The following AK7 variants were observed in gnomAD, a reference collection of about 807,000 sequenced individuals.
AK7 encodes ATP-AMP transphosphorylase 7.
A neutral mutation model predicts 96.6 loss-of-function variants in AK7; 78 were observed. The observed-to-expected ratio is 0.81, with a 90% confidence interval of 0.67 to 0.97. The LOEUF (loss-of-function observed/expected upper bound fraction) is 0.97, where lower values mean the gene tolerates loss of function less well. Ranked by LOEUF, AK7 falls within the 50% of genes least tolerant of loss-of-function variation. The pLI is 0.00. For missense variants in AK7, 855 were observed against 887.9 expected (o/e 0.96, Z 0.47); for synonymous variants, 302 against 317.2 (o/e 0.95, Z 0.51).
At position 96,478,478 on chromosome 14, in the gene AK7, ACTGGATG is replaced by A; in HGVS notation, c.1572_1578del (p.Asp525ArgfsTer5). On this transcript the variant is annotated frameshift_variant, in exon 15 of 18. Coordinates refer to ENST00000267584, the MANE Select transcript of AK7 (RefSeq NM_152327.5). LOFTEE classifies it high-confidence loss of function. ...CCTTCTCCCCAGAATTCGTTTGTGC[ACTGGATG>A]CTTCGGATGAGTTTCTGAAGGAGCG... is the stretch of plus-strand genomic sequence containing the variant. The A allele has an allele frequency of 6.2e-7, 1 of 1,614,140 alleles. No individual in the cohort carries two copies. Among genetic ancestry groups the A allele is most frequent in the Non-Finnish European group, 8.5e-7 (1 of 1,180,032 alleles).
chr14:96,425,786 A>G (rs1212553660), intron 5 of AK7, among the ~76,000 whole-genome samples: 1 of 152,118 alleles, frequency 6.6e-6, no homozygotes, highest in African/African-American at 2.4e-5. Context: ...GCCCAGCCGT[A>G]GTTTGTCTTG....
In AK7 at chr14:96,396,340, A is replaced by G. The variant is rs1057368318; in HGVS notation, c.106-1735A>G. ...ATATGGGAGTGGGAATATGAGGAAT[A>G]TAAGAGAAATGGAAGCTGTGTCTCG... On this transcript the variant is annotated intron_variant, in intron 1 of 17. Coordinates refer to ENST00000267584, the MANE Select transcript of AK7 (RefSeq NM_152327.5). 2.0e-5 allele frequency among the ~76,000 whole-genome samples: 3 copies of G among 152,238 alleles called. No homozygotes were observed. In the South Asian group the frequency reaches 6.2e-4, roughly 31 times the overall value.
At position 96,404,867 on chromosome 14, in the gene AK7, T is replaced by G; in HGVS notation, c.403+2T>G. 1 of 1,599,242 alleles carries G rather than the reference T, an allele frequency of 6.3e-7. No individual in the cohort carries two copies. The highest frequency in any genetic ancestry group is 8.6e-7 in the Non-Finnish European group (1 of 1,167,974). The stretch of plus-strand genomic sequence containing the variant: ...AGGAAGCCATCTGGGCAGTCTCTGG[T>G]CAGTGAGGTGTACTCTTTTATCTCC... On this transcript the variant is annotated splice_donor_variant, in intron 3 of 17. Transcript: ENST00000267584. LOFTEE classifies it high-confidence loss of function.
chr14:96,470,240 G>C (rs1894810210), intron 12 of AK7, among the ~76,000 whole-genome samples: 1 of 151,712 alleles, frequency 6.6e-6, no homozygotes, highest in African/African-American at 2.4e-5. Flanking sequence ...AAGAGGGGGA[G>C]GATGAGAAGG....
intron 12 of AK7, among the ~76,000 whole-genome samples, chr14:96,464,090 T>C (rs145209804): frequency 4.3e-3 from 658 of 152,108 alleles, no homozygotes; most frequent in Non-Finnish European, 5.5e-3. Context: ...GATAGTTTAT[T>C]AGAGACTACT....
chr14:96,398,338 T>C (rs776654558), intron 2 of AK7, 75 bp downstream of exon 2: 7 of 1,510,906 alleles, frequency 4.6e-6, no homozygotes, highest in Non-Finnish European at 5.5e-6. Flanking sequence ...TGACAACTTG[T>C]TTTACTGTTT....
chr14:96,473,464 C>CTT (rs71462738), intron 14 of AK7, among the ~76,000 whole-genome samples: 7 of 139,870 alleles, frequency 5.0e-5, no homozygotes, highest in Non-Finnish European at 4.7e-5. Flanking sequence ...TGCCCAGGCT[C>CTT]TTTTTTTTTT....
intron 7 of AK7, among the ~76,000 whole-genome samples, chr14:96,445,590 T>G (rs8010544): frequency 0.86 from 131,301 of 152,128 alleles, 56,968 homozygotes; most frequent in East Asian, 0.96. Flanking sequence ...ACCCTGGGAG[T>G]TTGAGGCTGC....
chr14:96,424,362 CTG>C (rs1379794065), intron 5 of AK7, among the ~76,000 whole-genome samples: 2 of 152,260 alleles, frequency 1.3e-5, no homozygotes, highest in Non-Finnish European at 1.5e-5. Context: ...CTTATGTCAT[CTG>C]TGTTTTACTC....
chr14:96,406,225 T>A (rs1302164933), intron 3 of AK7, among the ~76,000 whole-genome samples: 2 of 152,096 alleles, frequency 1.3e-5, no homozygotes, highest in Non-Finnish European at 2.9e-5. Context: ...CCAAGCAACC[T>A]CATTTAATAC....
chr14:96,414,757 C>CT (rs10694621), intron 4 of AK7, among the ~76,000 whole-genome samples: 33,060 of 100,004 alleles, frequency 0.33, 6,444 homozygotes, highest in Non-Finnish European at 0.37. Flanking sequence ...AGGATTCCTT[C>CT]TTTTTTTTTT....
At chr14:96,472,960 T>C (rs940000008) in intron 14 of AK7, among the ~76,000 whole-genome samples, 3 of 151,986 alleles carry the variant, frequency 2.0e-5, no homozygotes, top group African/African-American at 7.2e-5. Context: ...CGTGTGCCTG[T>C]AGTCCTAGCT....
intron 1 of AK7, among the ~76,000 whole-genome samples, chr14:96,393,542 A>G (rs1480612944): frequency 1.3e-5 from 2 of 152,198 alleles, no homozygotes; most frequent in Non-Finnish European, 2.9e-5. Flanking sequence ...GGTAGTTGCC[A>G]ATAATTCTTG....
At chr14:96,413,433 A>T (rs1044866262) in intron 4 of AK7, among the ~76,000 whole-genome samples, 2 of 152,176 alleles carry the variant, frequency 1.3e-5, no homozygotes, top group African/African-American at 4.8e-5. Flanking sequence ...ATGAGGTCAG[A>T]TCACTTATTC....
Position 96,449,863 on chromosome 14 carries a change from T to A in AK7, c.932T>A (p.Leu311Gln). 6.2e-7 allele frequency: 1 copy of A among 1,605,344 alleles called. No individual in the cohort carries two copies. Among genetic ancestry groups the A allele is most frequent in the Non-Finnish European group, 8.5e-7 (1 of 1,174,812 alleles). The change falls in exon 9 of 18, where the codon CTA becomes CAA. Residue 311 changes from leucine to glutamine, a missense_variant. Physicochemically the swap from Leu to Gln is moderately radical, Grantham distance 113. Coordinates refer to ENST00000267584, the MANE Select transcript of AK7 (RefSeq NM_152327.5). ...AAAATACCCAGAGAAAATGCATACC[T>A]AACCAAGGACTTAACGGTTAGTATA... ...IQKIPRENAY[L>Q]TKDLTQDCLD...
intron 5 of AK7, among the ~76,000 whole-genome samples, chr14:96,428,606 C>A (rs1355059977): frequency 6.6e-6 from 1 of 152,166 alleles, no homozygotes; most frequent in East Asian, 1.9e-4. Context: ...CCTATTTCTC[C>A]ACATCCTCTC....
At chr14:96,462,789 T>A (rs1894326510) in intron 12 of AK7, among the ~76,000 whole-genome samples, 1 of 150,334 alleles carries the variant, frequency 6.7e-6, no homozygotes, top group Non-Finnish European at 1.5e-5. Context: ...GCTATCTAAT[T>A]TTTTTTTTAA....
intron 5 of AK7, among the ~76,000 whole-genome samples, chr14:96,434,782 G>T (rs533644534): frequency 6.6e-6 from 1 of 152,012 alleles, no homozygotes; most frequent in South Asian, 2.1e-4. Context: ...ATTGTATTGC[G>T]GCTGAGCTAG....
In AK7 at chr14:96,486,943, G is replaced by C. The variant is rs1895799305; in HGVS notation, c.2020G>C (p.Glu674Gln). The change falls in exon 17 of 18, where the codon GAG (glutamate) becomes CAG (glutamine). Residue 674 changes from glutamate to glutamine, a missense_variant. Coordinates refer to ENST00000267584, the MANE Select transcript of AK7 (RefSeq NM_152327.5). ...EVKREERELL[E>Q]AQSIPLRNYL... Reference sequence around the variant, plus strand: ...GAAAAGAGAAGAAAGAGAATTACTGGAGGCTCAGTCAATTCCCCTGAGAAA... The same window carrying C: ...GAAAAGAGAAGAAAGAGAATTACTGCAGGCTCAGTCAATTCCCCTGAGAAA... 6.2e-7 allele frequency: 1 copy of C among 1,613,940 alleles called. No homozygotes were observed. Among genetic ancestry groups the C allele is most frequent in the Non-Finnish European group, 8.5e-7 (1 of 1,179,952 alleles).
Sources: gnomAD v4.1 joint callset for allele counts (sites outside exome capture counted in the v4.1 genomes callset) on GRCh38, gnomAD v4.1.1 for gene constraint, MANE v1.5 for transcripts, NCBI Gene and HGNC (gene_info 2026-07-23, HGNC 2026-07-21) for gene names.